Variants in ST6GALNAC5 observed in about 807,000 individuals in gnomAD.
The protein encoded by ST6GALNAC5 is alpha-N-acetylgalactosaminide alpha-2,6-sialyltransferase 5.
In ST6GALNAC5, 27 loss-of-function variants were observed where a neutral mutation model predicts 33.6. The observed-to-expected ratio is 0.80, with a 90% CI of 0.59 to 1.11. ST6GALNAC5 has a LOEUF of 1.11. Among genes scored for constraint, ST6GALNAC5 ranks in the 50% least tolerant of loss-of-function variants. ST6GALNAC5 has a pLI of 0.00. For missense variants in ST6GALNAC5, 428 were observed against 454.0 expected (o/e 0.94, Z 0.52); for synonymous variants, 194 against 171.2 (o/e 1.13, Z -1.04).
intron 2 of ST6GALNAC5, among the ~76,000 whole-genome samples, chr1:77,043,704 G>A (rs547474892): frequency 1.6e-4 from 24 of 152,136 alleles, no homozygotes; most frequent in Non-Finnish European, 3.5e-4. Flanking sequence ...TTTCAATAAG[G>A]TGAGTTAAGA....
At chr1:76,989,828 C>A (rs1257088884) in intron 2 of ST6GALNAC5, among the ~76,000 whole-genome samples, 2 of 152,048 alleles carry the variant, frequency 1.3e-5, no homozygotes, top group Non-Finnish European at 2.9e-5. Context: ...GCTTCTGCCA[C>A]ACCTTTGCCA....
In ST6GALNAC5 at chr1:76,868,772, A is replaced by G. The variant is rs1224292119; in HGVS notation, c.261+30A>G. The G allele has an allele frequency of 9.6e-6, 14 of 1,465,844 alleles. No individual in the cohort carries two copies. The highest frequency in any genetic ancestry group is 7.6e-5 in the East Asian group (3 of 39,364). The allele number at this position is 1,465,844 out of a possible 1,614,324, so 90.8% of individuals were successfully genotyped here. On this transcript the variant is annotated intron_variant, in intron 2 of 4. Coordinates refer to ENST00000477717, the MANE Select transcript of ST6GALNAC5 (RefSeq NM_030965.3). The surrounding 1 kb of genome is among the most constrained non-coding windows in gnomAD (Gnocchi z 4.3). Reference sequence around the variant, plus strand: ...CAGCATGCCCGCCAGCCCGCTCGCCACTCAGCCTGGGGATCCCGCACACCT... The same window carrying G: ...CAGCATGCCCGCCAGCCCGCTCGCCGCTCAGCCTGGGGATCCCGCACACCT...
At chr1:76,876,805 C>T (rs531228269) in intron 2 of ST6GALNAC5, among the ~76,000 whole-genome samples, 1 of 152,268 alleles carries the variant, frequency 6.6e-6, no homozygotes, top group South Asian at 2.1e-4. Flanking sequence ...CCTGCATAAC[C>T]ATGCAGAACC....
chr1:77,035,762 A>G (rs1298867717), intron 2 of ST6GALNAC5, among the ~76,000 whole-genome samples: 1 of 152,238 alleles, frequency 6.6e-6, no homozygotes, highest in Non-Finnish European at 1.5e-5. Context: ...AAGAGACAGT[A>G]CTAAGTGATG....
intron 2 of ST6GALNAC5, among the ~76,000 whole-genome samples, chr1:77,023,724 A>G (rs547297409): frequency 6.6e-6 from 1 of 152,194 alleles, no homozygotes; most frequent in Non-Finnish European, 1.5e-5. Flanking sequence ...TTTTAAAATT[A>G]TTATCATATC....
intron 2 of ST6GALNAC5, among the ~76,000 whole-genome samples, chr1:77,043,914 C>A (rs142854481): frequency 2.6e-5 from 4 of 152,112 alleles, no homozygotes; most frequent in African/African-American, 9.7e-5. Flanking sequence ...CGAGAGAAAC[C>A]TTGCTGGGTT....
At chr1:76,915,410 A>G (rs2100288430) in intron 2 of ST6GALNAC5, among the ~76,000 whole-genome samples, 1 of 152,318 alleles carries the variant, frequency 6.6e-6, no homozygotes, top group South Asian at 2.1e-4. Flanking sequence ...TTATTGCGGC[A>G]CTATTCACAA....
chr1:76,917,359 G>A (rs1475785071), intron 2 of ST6GALNAC5, among the ~76,000 whole-genome samples: 1 of 152,070 alleles, frequency 6.6e-6, no homozygotes, highest in Non-Finnish European at 1.5e-5. Flanking sequence ...CTAAACTCAA[G>A]CAACGAAAAA....
chr1:77,045,622 A>G (rs1651982171), intron 3 of ST6GALNAC5, among the ~76,000 whole-genome samples: 1 of 152,220 alleles, frequency 6.6e-6, no homozygotes, highest in South Asian at 2.1e-4. Flanking sequence ...AGATGTACAT[A>G]AGCTGAGACC....
intron 4 of ST6GALNAC5, among the ~76,000 whole-genome samples, chr1:77,051,099 T>C (rs1056745468): frequency 1.3e-5 from 2 of 152,220 alleles, no homozygotes; most frequent in Non-Finnish European, 2.9e-5. Flanking sequence ...GATTTTCAAA[T>C]GGCAAAAGCT....
At chr1:77,008,789 C>G (rs1056634981) in intron 2 of ST6GALNAC5, among the ~76,000 whole-genome samples, 3 of 152,168 alleles carry the variant, frequency 2.0e-5, no homozygotes, top group Non-Finnish European at 2.9e-5. Flanking sequence ...CTCAGCCTAC[C>G]AAAGTGCTGG....
intron 2 of ST6GALNAC5, among the ~76,000 whole-genome samples, chr1:77,004,905 C>A (rs1232088043): frequency 7.0e-6 from 1 of 142,668 alleles, no homozygotes; most frequent in African/African-American, 2.5e-5. Flanking sequence ...AGCTGTCAGA[C>A]AGGGACATTT....
chr1:77,027,931 G>T (rs1435408093), intron 2 of ST6GALNAC5, among the ~76,000 whole-genome samples: 2 of 152,158 alleles, frequency 1.3e-5, no homozygotes, highest in African/African-American at 4.8e-5. Context: ...ACACTGATTT[G>T]CAGTTCTGGT....
chr1:76,923,170 G>A (rs1474484773), intron 2 of ST6GALNAC5, among the ~76,000 whole-genome samples: 1 of 151,784 alleles, frequency 6.6e-6, no homozygotes, highest in Non-Finnish European at 1.5e-5. Context: ...TTACAATTGG[G>A]GAATACTGGT....
chr1:76,907,809 T>C (rs1255657907), intron 2 of ST6GALNAC5, among the ~76,000 whole-genome samples: 1 of 152,164 alleles, frequency 6.6e-6, no homozygotes, highest in Non-Finnish European at 1.5e-5. Flanking sequence ...AAGTGTATTG[T>C]AGCTACATCC....
intron 2 of ST6GALNAC5, among the ~76,000 whole-genome samples, chr1:76,944,013 G>C (rs773488981): frequency 3.9e-5 from 6 of 152,036 alleles, no homozygotes; most frequent in Non-Finnish European, 5.9e-5. Context: ...TAGTGATCAT[G>C]TCCTGATGAA....
chr1:76,962,236 C>G (rs1165391978), intron 2 of ST6GALNAC5, among the ~76,000 whole-genome samples: 1 of 152,172 alleles, frequency 6.6e-6, no homozygotes, highest in Non-Finnish European at 1.5e-5. Flanking sequence ...TTCAGAGCTA[C>G]TTGCTGGTTG....
At chr1:76,953,844 AT>A (rs1379798995) in intron 2 of ST6GALNAC5, among the ~76,000 whole-genome samples, 9 of 152,236 alleles carry the variant, frequency 5.9e-5, no homozygotes, top group African/African-American at 1.7e-4. Flanking sequence ...GAGGTTTTAA[AT>A]CAAGGTTCAT....
chr1:77,001,971 C>T (rs1421056688), intron 2 of ST6GALNAC5, among the ~76,000 whole-genome samples: 1 of 152,102 alleles, frequency 6.6e-6, no homozygotes, highest in Admixed American at 6.5e-5. Flanking sequence ...TGTGTCTCTG[C>T]CCGGCTTTGC....
Sources: allele counts gnomAD v4.1 joint callset (sites outside exome capture counted in the v4.1 genomes callset), GRCh38; gene constraint gnomAD v4.1.1; non-coding constraint Gnocchi (gnomAD v3.1); transcripts MANE v1.5; gene names NCBI Gene and HGNC (gene_info 2026-07-23, HGNC 2026-07-21).